Variants in PLGRKT observed in about 807,000 individuals in gnomAD.
PLGRKT encodes the protein plasminogen receptor with a C-terminal lysine.
PLGRKT carries 22 observed loss-of-function variants against 18.5 expected under a neutral mutation model. That is an observed-to-expected ratio of 1.19 (90% CI 0.85 to 1.70). The LOEUF is 1.70. Ranked by LOEUF, PLGRKT falls within the 40% of genes most tolerant of loss-of-function variation. PLGRKT has a pLI of 0.00. For missense variants in PLGRKT, 235 were observed against 174.4 expected (o/e 1.35, Z -1.96); for synonymous variants, 72 against 52.8 (o/e 1.36, Z -1.58).
chr9:5,381,420 G>T (rs1248537941), intron 3 of PLGRKT, among the ~76,000 whole-genome samples: 1 of 152,206 alleles, frequency 6.6e-6, no homozygotes, highest in Non-Finnish European at 1.5e-5. Context: ...TGCTTCACAG[G>T]GTGCAAGCCC....
chr9:5,415,042 G>C (rs1818432869), intron 3 of PLGRKT, among the ~76,000 whole-genome samples: 1 of 152,202 alleles, frequency 6.6e-6, no homozygotes, highest in African/African-American at 2.4e-5. Flanking sequence ...CCCAGGTCTT[G>C]ATTTCCAAAT....
At chr9:5,433,484 C>T (rs1467324714) in intron 2 of PLGRKT, among the ~76,000 whole-genome samples, 1 of 145,146 alleles carries the variant, frequency 6.9e-6, no homozygotes, top group Non-Finnish European at 1.5e-5. Context: ...CAAGGAGCGA[C>T]TCTGCCTGAC....
At chr9:5,371,378 G>C (rs1428248661) in intron 3 of PLGRKT, among the ~76,000 whole-genome samples, 1 of 152,154 alleles carries the variant, frequency 6.6e-6, no homozygotes, top group Non-Finnish European at 1.5e-5. Flanking sequence ...CATGTTGTGG[G>C]AGGGAACCAG....
chr9:5,404,756 T>A (rs530223364), intron 3 of PLGRKT, among the ~76,000 whole-genome samples: 2 of 152,200 alleles, frequency 1.3e-5, no homozygotes, highest in Non-Finnish European at 2.9e-5. Flanking sequence ...CTATTCAACA[T>A]AGTGTTGGAA....
chr9:5,362,059 G>A (rs1817279561), intron 3 of PLGRKT, among the ~76,000 whole-genome samples, 171 bp from the exon 4 acceptor site: 1 of 152,166 alleles, frequency 6.6e-6, no homozygotes, highest in African/African-American at 2.4e-5. Context: ...CTCACCAACT[G>A]TCACCTTGGC....
At chr9:5,394,277 C>G (rs1027093772) in intron 3 of PLGRKT, among the ~76,000 whole-genome samples, 2 of 151,778 alleles carry the variant, frequency 1.3e-5, no homozygotes, top group Non-Finnish European at 2.9e-5. Flanking sequence ...AGGAGGCAGA[C>G]ATATTTACTA....
Position 5,422,837 on chromosome 9 carries a change from GT to G in PLGRKT, c.81+9059del, listed in dbSNP as rs1013886623. Among the ~76,000 whole-genome samples, 20 of 151,604 alleles carry G rather than the reference GT, an allele frequency of 1.3e-4. 1 individual carries two copies. Among genetic ancestry groups the G allele is most frequent in the Admixed American group, 6.6e-4 (10 of 15,202 alleles). On this transcript the variant is annotated intron_variant, in intron 3 of 5. Transcript: ENST00000223864. Reference sequence around the variant, plus strand: ...AGACTACCAAAATATTGGTTTTAAAGTTTTTTTTTAAAGTTTTCCTCTCCTC... The same window carrying G: ...AGACTACCAAAATATTGGTTTTAAAGTTTTTTTTAAAGTTTTCCTCTCCTC...
chr9:5,388,177 A>G (rs953635315), intron 3 of PLGRKT, among the ~76,000 whole-genome samples: 4 of 151,826 alleles, frequency 2.6e-5, no homozygotes, highest in African/African-American at 9.7e-5. Flanking sequence ...AGCCACAGCC[A>G]CTCCAGGAAT....
chr9:5,389,588 G>A (rs1163636566), intron 3 of PLGRKT, among the ~76,000 whole-genome samples: 3 of 151,900 alleles, frequency 2.0e-5, no homozygotes, highest in Admixed American at 2.0e-4. Flanking sequence ...GGTGGGCAGA[G>A]AGGAGTAACT....
At chr9:5,399,865 C>T (rs1394779611) in intron 3 of PLGRKT, among the ~76,000 whole-genome samples, 1 of 151,610 alleles carries the variant, frequency 6.6e-6, no homozygotes, top group Non-Finnish European at 1.5e-5. Context: ...GTGGTGCACG[C>T]CTGTCATCCC....
intron 3 of PLGRKT, among the ~76,000 whole-genome samples, chr9:5,396,268 C>T (rs1225408440): frequency 9.2e-5 from 14 of 151,670 alleles, no homozygotes; most frequent in Non-Finnish European, 1.9e-4. Context: ...AACAAGAACA[C>T]AACAAAATGA....
chr9:5,385,244 C>A (rs748729405), intron 3 of PLGRKT, among the ~76,000 whole-genome samples: 3 of 152,004 alleles, frequency 2.0e-5, no homozygotes, highest in Non-Finnish European at 4.4e-5. Flanking sequence ...ATTATAAGAA[C>A]TTTTTGGATT....
intron 2 of PLGRKT, among the ~76,000 whole-genome samples, chr9:5,432,605 C>G (rs889575174): frequency 6.6e-6 from 1 of 150,966 alleles, no homozygotes; most frequent in East Asian, 2.0e-4. Context: ...TCCGGTGATT[C>G]TCCTGTCTCG....
intron 3 of PLGRKT, among the ~76,000 whole-genome samples, chr9:5,401,282 T>C (rs917767735): frequency 3.5e-5 from 5 of 141,562 alleles, no homozygotes; most frequent in African/African-American, 8.4e-5. Flanking sequence ...GAATTTTAAA[T>C]ATAGGACGGG....
chr9:5,438,180 GA>G (rs1448148908), upstream of PLGRKT, among the ~76,000 whole-genome samples: 2 of 152,198 alleles, frequency 1.3e-5, no homozygotes, highest in Non-Finnish European at 2.9e-5. Context: ...AGATAAGACA[GA>G]AACGAGAAAG....
intron 3 of PLGRKT, among the ~76,000 whole-genome samples, chr9:5,377,487 A>C (rs1481822724): frequency 1.3e-5 from 2 of 152,220 alleles, no homozygotes; most frequent in Non-Finnish European, 2.9e-5. Flanking sequence ...TCTATATAAA[A>C]ATAAGCTAAC....
intron 3 of PLGRKT, among the ~76,000 whole-genome samples, chr9:5,399,258 A>C (rs182075597): frequency 3.1e-4 from 47 of 152,040 alleles, no homozygotes; most frequent in Middle Eastern, 3.4e-3. Flanking sequence ...GTCTAATGTC[A>C]ATTTAATTCA....
chr9:5,389,963 C>T (rs982226804), intron 3 of PLGRKT, among the ~76,000 whole-genome samples: 1 of 151,626 alleles, frequency 6.6e-6, no homozygotes, highest in African/African-American at 2.4e-5. Flanking sequence ...TTCCAGGGTC[C>T]TGAAATGAAG....
intron 3 of PLGRKT, among the ~76,000 whole-genome samples, chr9:5,372,192 G>C (rs894259619): frequency 3.3e-5 from 5 of 151,734 alleles, no homozygotes; most frequent in Non-Finnish European, 7.4e-5. Context: ...TGTTGGCCAG[G>C]ATAGTCTCGA....
Sources: allele counts gnomAD v4.1 joint callset (sites outside exome capture counted in the v4.1 genomes callset), GRCh38; gene constraint gnomAD v4.1.1; transcripts MANE v1.5; gene names NCBI Gene and HGNC (gene_info 2026-07-23, HGNC 2026-07-21).